ST3GAL3: variants seen among roughly 807,000 people sequenced by gnomAD.
ST3GAL3 encodes the protein CMP-N-acetylneuraminate-beta-1,4-galactoside alpha-2,3-sialyltransferase.
ST3GAL3 carries 21 observed loss-of-function variants against 50.1 expected under a neutral mutation model. That is an observed-to-expected ratio of 0.42 (90% CI 0.30 to 0.60). ST3GAL3 has a LOEUF of 0.60. ST3GAL3 is among the 20% of genes least tolerant of loss of function. The pLI is 0.19. For missense variants in ST3GAL3, 353 were observed against 489.4 expected (o/e 0.72, Z 2.63); for synonymous variants, 183 against 190.0 (o/e 0.96, Z 0.30).
chr1:43,728,638 C>T (rs1295447432), intron 1 of ST3GAL3, among the ~76,000 whole-genome samples: 1 of 152,146 alleles, frequency 6.6e-6, no homozygotes, highest in African/African-American at 2.4e-5. Flanking sequence ...ATGGTCCTAC[C>T]TACTTGGGAA....
chr1:43,736,274 G>A lies in ST3GAL3; in HGVS notation c.12G>A (p.Leu4=), dbSNP rs1034986338. 9 of 1,613,996 alleles carry A rather than the reference G, an allele frequency of 5.6e-6. No individual in the cohort carries two copies. Among genetic ancestry groups the A allele is most frequent in the African/African-American group, 2.7e-5 (2 of 74,894 alleles). Residue 4 remains leucine, a synonymous_variant, in exon 2 of 12, where the codon TTG becomes TTA. Transcript: ENST00000347631. The part of the protein sequence containing the change: MGL[L]VFVRNLLLAL... ...TAAATCATGTGAAGATGGGACTCTT[G>A]GTATTTGTGCGCAATCTGCTGCTAG...
intron 5 of ST3GAL3, among the ~76,000 whole-genome samples, chr1:43,866,258 A>G (rs943834191): frequency 2.0e-5 from 3 of 152,156 alleles, no homozygotes; most frequent in African/African-American, 4.8e-5. Flanking sequence ...TTTGGGGGAA[A>G]GTGGTCAGAG....
At chr1:43,823,094 C>T (rs1005790310) in intron 4 of ST3GAL3, among the ~76,000 whole-genome samples, 3 of 152,140 alleles carry the variant, frequency 2.0e-5, no homozygotes, top group Non-Finnish European at 4.4e-5. Context: ...ATCACTCTGT[C>T]CAAACCACCA....
chr1:43,779,773 G>T (rs1698746950), intron 2 of ST3GAL3, among the ~76,000 whole-genome samples: 1 of 152,126 alleles, frequency 6.6e-6, no homozygotes, highest in East Asian at 1.9e-4. Context: ...GTTTTTCATT[G>T]TATGTTTTGT....
chr1:43,878,993 G>A (rs549494479), intron 5 of ST3GAL3: 63 of 455,812 alleles, frequency 1.4e-4, no homozygotes, highest in South Asian at 8.8e-4. Context: ...TGGGAGACAG[G>A]AAGCAATGCA....
At chr1:43,800,122 G>A (rs1366617726) in intron 3 of ST3GAL3, among the ~76,000 whole-genome samples, 4 of 151,970 alleles carry the variant, frequency 2.6e-5, no homozygotes, top group African/African-American at 9.7e-5. Context: ...TCAGATGGAG[G>A]CCTGATAGTC....
intron 1 of ST3GAL3, among the ~76,000 whole-genome samples, chr1:43,728,912 C>CA (rs1419109953): frequency 5.9e-5 from 9 of 152,100 alleles, no homozygotes; most frequent in Admixed American, 5.9e-4. Flanking sequence ...CGTTTTGAGA[C>CA]AGAGTCTCTC....
intron 5 of ST3GAL3, among the ~76,000 whole-genome samples, chr1:43,889,174 T>C (rs1039473484): frequency 4.0e-5 from 6 of 149,924 alleles, no homozygotes; most frequent in African/African-American, 1.5e-4. Flanking sequence ...CTGTGTTACA[T>C]TTTTAGTGAA....
chr1:43,793,881 G>A (rs2058376011), intron 3 of ST3GAL3, among the ~76,000 whole-genome samples: 1 of 152,110 alleles, frequency 6.6e-6, no homozygotes. Flanking sequence ...CCAGGAATTT[G>A]TGACCAGCTT....
chr1:43,858,872 C>G (rs982189127), intron 5 of ST3GAL3, among the ~76,000 whole-genome samples: 10 of 152,204 alleles, frequency 6.6e-5, no homozygotes, highest in Non-Finnish European at 1.0e-4. Flanking sequence ...ACTGTGGAGG[C>G]AGGACATGAG....
chr1:43,815,764 T>G (rs1034206024), intron 4 of ST3GAL3, among the ~76,000 whole-genome samples: 1 of 152,218 alleles, frequency 6.6e-6, no homozygotes, highest in African/African-American at 2.4e-5. Flanking sequence ...TAGAGGACTG[T>G]CAAGTATTGA....
intron 9 of ST3GAL3, chr1:43,919,799 C>T (rs2082715454): frequency 5.9e-6 from 1 of 168,740 alleles, no homozygotes; most frequent in Non-Finnish European, 1.3e-5. Context: ...CAGAGACCCT[C>T]CGGTAAGAAT....
rs116917811 is a variant in ST3GAL3, at chr1:43,745,680, G to C, written c.118+9300G>C. Among the ~76,000 whole-genome samples, 478 of 152,340 alleles carry C rather than the reference G, an allele frequency of 3.1e-3. 10 individuals carry two copies. In the East Asian group the frequency reaches 0.038, roughly 12 times the overall value. On this transcript the variant is annotated intron_variant, in intron 2 of 11. Coordinates refer to ENST00000347631, the MANE Select transcript of ST3GAL3 (RefSeq NM_006279.5). ...ATCTCACTCTGTAGCCCAGGCCAGA[G>C]TGCAGTGGCATGATCTTGGCTTACT...
At chr1:43,895,270 C>A (rs2077232514) in intron 6 of ST3GAL3, among the ~76,000 whole-genome samples, 1 of 152,178 alleles carries the variant, frequency 6.6e-6, no homozygotes, top group South Asian at 2.1e-4. Context: ...CAAGGCTAAC[C>A]TTTCCCCTAC....
intron 2 of ST3GAL3, among the ~76,000 whole-genome samples, chr1:43,778,547 A>G (rs1698133351): frequency 6.6e-6 from 1 of 152,192 alleles, no homozygotes; most frequent in South Asian, 2.1e-4. Context: ...AATCATATTT[A>G]GACAAAGAAA....
chr1:43,872,380 C>A lies in ST3GAL3; in HGVS notation c.303-22003C>A, dbSNP rs1366518836. Reference sequence around the variant, plus strand: ...GTGAGGGGGGAGGACTGTCTCAGGGCAGAGAGAGTCCTGCCAGGGCTGCTG... The same window carrying A: ...GTGAGGGGGGAGGACTGTCTCAGGGAAGAGAGAGTCCTGCCAGGGCTGCTG... On this transcript the variant is annotated intron_variant, in intron 5 of 11. Coordinates refer to ENST00000347631, the MANE Select transcript of ST3GAL3 (RefSeq NM_006279.5). 1.7e-4 allele frequency among the ~76,000 whole-genome samples: 25 copies of A among 150,650 alleles called. 2 individuals carry two copies. Among genetic ancestry groups the A allele is most frequent in the Admixed American group, 1.5e-3 (23 of 15,166 alleles).
In ST3GAL3 at chr1:43,885,566, T is replaced by C. The variant is rs377508102; in HGVS notation, c.303-8817T>C. 1.6e-4 allele frequency among the ~76,000 whole-genome samples: 24 copies of C among 152,266 alleles called. No homozygotes were observed. In the East Asian group the frequency reaches 1.9e-3, roughly 12 times the overall value. ...CACCCCCGCTAGTCTGACCAGTCAT[T>C]CTATACCTTAAGGGCCACCTCCACC... On this transcript the variant is annotated intron_variant, in intron 5 of 11. Coordinates refer to ENST00000347631, the MANE Select transcript of ST3GAL3 (RefSeq NM_006279.5).
At chr1:43,807,594 C>G (rs1369584320) in intron 3 of ST3GAL3, among the ~76,000 whole-genome samples, 1 of 152,080 alleles carries the variant, frequency 6.6e-6, no homozygotes, top group Non-Finnish European at 1.5e-5. Flanking sequence ...AAAGATAGCT[C>G]TGATTACAGC....
At chr1:43,719,737 A>C (rs954551534) in intron 1 of ST3GAL3, among the ~76,000 whole-genome samples, 3 of 151,732 alleles carry the variant, frequency 2.0e-5, no homozygotes, top group Admixed American at 2.0e-4. Flanking sequence ...GTTGGAGACC[A>C]GCCTGGCCAA....
Sources: gnomAD v4.1 joint callset for allele counts (sites outside exome capture counted in the v4.1 genomes callset) on GRCh38, gnomAD v4.1.1 for gene constraint, MANE v1.5 for transcripts, NCBI Gene and HGNC (gene_info 2026-07-23, HGNC 2026-07-21) for gene names.